Variants in TDRD3 observed in about 807,000 individuals in gnomAD.
TDRD3 encodes tudor domain containing 3, also known as tudor domain-containing protein 3.
A neutral mutation model predicts 86.7 loss-of-function variants in TDRD3; 45 were observed. That is an observed-to-expected ratio of 0.52 (90% confidence interval 0.41 to 0.67). The LOEUF is 0.67. TDRD3 is among the 30% of genes least tolerant of loss of function. The pLI is 0.00. For synonymous variants in TDRD3, 298 were observed against 301.7 expected, an observed-to-expected ratio of 0.99 and a Z score of 0.13; for missense variants, 814 against 889.0, an observed-to-expected ratio of 0.92 and a Z score of 1.07.
chr13:60,449,270 T>C (rs1221733168), intron 3 of TDRD3, among the ~76,000 whole-genome samples: 1 of 152,192 alleles, frequency 6.6e-6, no homozygotes, highest in Non-Finnish European at 1.5e-5. Flanking sequence ...TTGTTTCTTT[T>C]AGTGAGCTAT....
intron 1 of TDRD3, among the ~76,000 whole-genome samples, chr13:60,399,778 T>C (rs1954042225): frequency 6.6e-6 from 1 of 152,248 alleles, no homozygotes; most frequent in African/African-American, 2.4e-5. Context: ...TATTGTTAAA[T>C]CTGTTCTATA....
At chr13:60,513,855 CCA>C (rs1408459559) in intron 10 of TDRD3, among the ~76,000 whole-genome samples, 1 of 152,134 alleles carries the variant, frequency 6.6e-6, no homozygotes, top group Non-Finnish European at 1.5e-5. Context: ...TATAAATTAC[CCA>C]GTCTCAGGTA....
chr13:60,511,755 G>GT lies in TDRD3; in HGVS notation c.1141+1006dup, dbSNP rs919498224. On this transcript the variant is annotated intron_variant, in intron 10 of 13. Coordinates refer to ENST00000377881, the MANE Select transcript of TDRD3 (RefSeq NM_001146070.2). ...CATTTTCTTGTGGAAATGAAGTCCCGTTTTTTGCTTGGTGTTGCCTGGAGA... is the reference window on the plus strand; with the variant it reads ...CATTTTCTTGTGGAAATGAAGTCCCGTTTTTTTGCTTGGTGTTGCCTGGAGA... Among the ~76,000 whole-genome samples, 4 of 152,158 alleles carry GT rather than the reference G, an allele frequency of 2.6e-5. No homozygotes were observed. In the East Asian group the frequency reaches 5.8e-4, roughly 22 times the overall value.
chr13:60,509,993 G>A, intron 9 of TDRD3, 74 bp downstream of exon 9: 3 of 1,515,950 alleles, frequency 2.0e-6, no homozygotes, highest in South Asian at 1.3e-5. Flanking sequence ...GACAGAGGCT[G>A]TTATTTCTGT....
chr13:60,525,680 A>C (rs1238394597), intron 10 of TDRD3, among the ~76,000 whole-genome samples: 3 of 152,128 alleles, frequency 2.0e-5, no homozygotes, highest in African/African-American at 7.2e-5. Flanking sequence ...TACTATCAGC[A>C]ATTTCCTAAG....
At chr13:60,395,687 A>T (rs1315484609), upstream of TDRD3, among the ~76,000 whole-genome samples, 2 of 152,228 alleles carry the variant, frequency 1.3e-5, no homozygotes, top group African/African-American at 4.8e-5. Flanking sequence ...AAAAATGTAA[A>T]TAATTGGTAA....
At chr13:60,404,899 T>A (rs1233173390) in intron 1 of TDRD3, among the ~76,000 whole-genome samples, 1 of 152,214 alleles carries the variant, frequency 6.6e-6, no homozygotes, top group Non-Finnish European at 1.5e-5. Context: ...GGGATGGGTC[T>A]TTCCCATGCT....
Position 60,528,270 on chromosome 13 carries a change from T to C in TDRD3, c.1142-97T>C, listed in dbSNP as rs2137776500. The C allele has an allele frequency of 7.7e-6, 10 of 1,301,068 alleles. No individual in the cohort carries two copies. The South Asian group carries it at 1.7e-4, about 22-fold the overall frequency. The allele number at this position is 1,301,068 out of a possible 1,614,324, so 80.6% of individuals were successfully genotyped here. A position where few individuals can be genotyped will look rare whatever the true frequency, so the allele number is the denominator to read the frequency against. ...ATGGAAGAAGATTTTAGAATAGTAG[T>C]TTGATAATTTTGTATTAATAGAATA... is the stretch of plus-strand genomic sequence containing the variant. On this transcript the variant is annotated intron_variant, in intron 10 of 13. Transcript: ENST00000377881.
intron 3 of TDRD3, among the ~76,000 whole-genome samples, chr13:60,457,227 A>G (rs905138012): frequency 3.3e-5 from 5 of 152,228 alleles, no homozygotes; most frequent in Admixed American, 1.3e-4. Flanking sequence ...TCAAATTAAG[A>G]AGTGACAAGA....
At chr13:60,432,274 G>A (rs1954972516) in intron 1 of TDRD3, among the ~76,000 whole-genome samples, 1 of 151,944 alleles carries the variant, frequency 6.6e-6, no homozygotes, top group Non-Finnish European at 1.5e-5. Context: ...ATTCTCATGT[G>A]CTATCTTTCC....
intron 12 of TDRD3, among the ~76,000 whole-genome samples, chr13:60,542,537 A>T (rs1218819667): frequency 6.6e-6 from 1 of 152,230 alleles, no homozygotes; most frequent in Admixed American, 6.5e-5. Context: ...TCATTTTACC[A>T]TAGACTTTAT....
chr13:60,422,306 A>G (rs977300131), intron 1 of TDRD3, among the ~76,000 whole-genome samples: 5 of 152,230 alleles, frequency 3.3e-5, no homozygotes, highest in Admixed American at 2.6e-4. Flanking sequence ...CAACCACTTC[A>G]TTAAAGTATA....
At chr13:60,430,876 ATCG>A (rs1475712823) in intron 1 of TDRD3, among the ~76,000 whole-genome samples, 1 of 152,152 alleles carries the variant, frequency 6.6e-6, no homozygotes. Flanking sequence ...TCATTTTAAA[ATCG>A]TCATGCTGTA....
At chr13:60,396,099 A>T (rs373229702), upstream of TDRD3, among the ~76,000 whole-genome samples, 1 of 152,100 alleles carries the variant, frequency 6.6e-6, no homozygotes, top group East Asian at 1.9e-4. Flanking sequence ...TTCCTCCCCA[A>T]TCCCAAGAGC....
chr13:60,487,826 GT>G (rs1956481156), intron 7 of TDRD3, among the ~76,000 whole-genome samples: 1 of 152,012 alleles, frequency 6.6e-6, no homozygotes, highest in African/African-American at 2.4e-5. Flanking sequence ...TCTATTTTTA[GT>G]TTTTTTGAGC....
At chr13:60,517,772 C>G (rs1162921017) in intron 10 of TDRD3, among the ~76,000 whole-genome samples, 1 of 152,112 alleles carries the variant, frequency 6.6e-6, no homozygotes, top group Admixed American at 6.5e-5. Context: ...AACTTGTTAC[C>G]TTTAATAGTT....
chr13:60,423,641 C>T (rs1566180072), intron 1 of TDRD3, among the ~76,000 whole-genome samples: 1 of 152,064 alleles, frequency 6.6e-6, no homozygotes, highest in Non-Finnish European at 1.5e-5. Context: ...AATACAAGCC[C>T]TTTCACCTAG....
chr13:60,439,597 T>G, intron 1 of TDRD3, 91 bp from the exon 2 acceptor site: 1 of 908,416 alleles, frequency 1.1e-6, no homozygotes, highest in Non-Finnish European at 1.7e-6. Flanking sequence ...CAGAAGCACT[T>G]TATAGTAGAA....
chr13:60,461,307 T>C (rs1297345768), intron 4 of TDRD3, among the ~76,000 whole-genome samples: 2 of 152,194 alleles, frequency 1.3e-5, no homozygotes, highest in African/African-American at 4.8e-5. Flanking sequence ...AGTCATTTCC[T>C]AGGAAATCAT....
Sources: allele counts gnomAD v4.1 joint callset (sites outside exome capture counted in the v4.1 genomes callset), GRCh38; gene constraint gnomAD v4.1.1; transcripts MANE v1.5; gene names NCBI Gene and HGNC (gene_info 2026-07-23, HGNC 2026-07-21).